The following AKAP6 variants were observed in gnomAD, a reference collection of about 807,000 sequenced individuals.
AKAP6 encodes the protein A-kinase anchor protein 6.
Under a neutral mutation model 188.5 loss-of-function variants are expected in AKAP6, and 58 were observed. That is an observed-to-expected ratio of 0.31 (90% CI 0.25 to 0.38). The LOEUF is 0.38. AKAP6 is among the 10% of genes least tolerant of loss of function. The pLI is 1.00. For synonymous variants in AKAP6, 989 were observed against 998.6 expected (o/e 0.99, Z 0.18); for missense variants, 2,710 against 2,740.0 (o/e 0.99, Z 0.24).
At chr14:32,741,471 G>T (rs113812804) in intron 11 of AKAP6, among the ~76,000 whole-genome samples, 21 of 151,908 alleles carry the variant, frequency 1.4e-4, no homozygotes, top group African/African-American at 4.6e-4. Flanking sequence ...GTTTTCTCCC[G>T]TTCAATGTGA....
intron 5 of AKAP6, among the ~76,000 whole-genome samples, chr14:32,582,965 A>T: frequency 6.6e-6 from 1 of 152,070 alleles, no homozygotes; most frequent in Non-Finnish European, 1.5e-5. Context: ...TAGTTTGATC[A>T]TCTGAAGCCT....
At chr14:32,429,618 G>A (rs1379641004) in intron 1 of AKAP6, among the ~76,000 whole-genome samples, 1 of 152,272 alleles carries the variant, frequency 6.6e-6, no homozygotes, top group South Asian at 2.1e-4. Flanking sequence ...CAGGCTTGCT[G>A]TGCTTAATGA....
chr14:32,712,602 T>G (rs568579573), intron 9 of AKAP6, among the ~76,000 whole-genome samples: 5 of 152,218 alleles, frequency 3.3e-5, no homozygotes, highest in African/African-American at 1.2e-4. Flanking sequence ...TTCAACAGTG[T>G]TCACAGCATT....
Position 32,837,481 on chromosome 14 carries a change from AT to A in AKAP6, c.*7677del, listed in dbSNP as rs961037806. The A allele has an allele frequency of 2.0e-5, 3 of 152,232 alleles. No homozygotes were observed. The highest frequency in any genetic ancestry group is 4.4e-5 in the Non-Finnish European group (3 of 68,044). The allele number at this position is 152,232 out of a possible 1,614,324, so 9.4% of individuals were successfully genotyped here. ...CCCAATATTCCCTAACCACTGGTTT[AT>A]AAAAAATACTCTAAGGTTTATAGAA... On this transcript the variant is annotated 3_prime_UTR_variant, in exon 14 of 14. Coordinates refer to ENST00000280979, the MANE Select transcript of AKAP6 (RefSeq NM_004274.5).
rs188678324 is a variant in AKAP6, at chr14:32,835,016, G to A, written c.*5211G>A. 2 of 152,312 alleles carry A rather than the reference G, an allele frequency of 1.3e-5. No individual in the cohort carries two copies. The highest frequency in any genetic ancestry group is 4.8e-5 in the African/African-American group (2 of 41,576). The allele number at this position is 152,312 out of a possible 1,614,324, so 9.4% of individuals were successfully genotyped here. ...ATGAAATTTAAATTTTGGTGTCCAT[G>A]TATAAAGTTTTATTAGAACACATCC... On this transcript the variant is annotated 3_prime_UTR_variant, in exon 14 of 14. Coordinates refer to ENST00000280979, the MANE Select transcript of AKAP6 (RefSeq NM_004274.5).
intron 1 of AKAP6, among the ~76,000 whole-genome samples, chr14:32,363,345 G>C (rs1325088828): frequency 6.6e-6 from 1 of 152,172 alleles, no homozygotes; most frequent in Non-Finnish European, 1.5e-5. Context: ...AAATAGGACA[G>C]ATGTATATAT....
intron 1 of AKAP6, among the ~76,000 whole-genome samples, chr14:32,418,902 A>C (rs1239286805): frequency 2.0e-5 from 3 of 152,186 alleles, no homozygotes; most frequent in Admixed American, 2.0e-4. Flanking sequence ...CGTACTGTCT[A>C]GTTTCCACTA....
intron 2 of AKAP6, among the ~76,000 whole-genome samples, chr14:32,476,694 C>T (rs961002600): frequency 6.6e-6 from 1 of 152,162 alleles, no homozygotes; most frequent in African/African-American, 2.4e-5. Context: ...TGTTACCAAA[C>T]TAAACTGGGA....
intron 2 of AKAP6, among the ~76,000 whole-genome samples, chr14:32,454,765 C>T (rs868088049): frequency 6.1e-5 from 1 of 16,512 alleles, no homozygotes; most frequent in Non-Finnish European, 1.0e-4. Context: ...CCCTCCCTCC[C>T]TCCTTCCCTC....
chr14:32,785,600 C>T (rs727815), intron 12 of AKAP6, among the ~76,000 whole-genome samples: 148,765 of 152,268 alleles, frequency 0.98, 72,761 homozygotes, highest in Middle Eastern at 1. Context: ...AGTTAATATA[C>T]GTGTGAAGCT....
Position 32,823,885 on chromosome 14 carries a change from A to G in AKAP6, c.6072A>G (p.Gln2024=), listed in dbSNP as rs1274597402. Residue 2024 remains glutamine, a synonymous_variant, in exon 13 of 14, where the codon CAA becomes CAG. Coordinates refer to ENST00000280979, the MANE Select transcript of AKAP6 (RefSeq NM_004274.5). ...CTGGTTGTTGCCTAGCACTTGAACA[A>G]AACGGAACAGAGGAAAATGCTTCTA... The part of the protein sequence containing the change: ...KSAGCCLALE[Q]NGTEENASIS... 1.1e-5 allele frequency: 17 copies of G among 1,613,918 alleles called. No individual in the cohort carries two copies. Among genetic ancestry groups the G allele is most frequent in the Non-Finnish European group, 1.4e-5 (17 of 1,179,942 alleles).
At chr14:32,658,773 T>C (rs1888560449) in intron 7 of AKAP6, among the ~76,000 whole-genome samples, 1 of 142,514 alleles carries the variant, frequency 7.0e-6, no homozygotes, top group Admixed American at 7.4e-5. Flanking sequence ...ATTTTTAAAG[T>C]CTTCTTTAAA....
Position 32,536,384 on chromosome 14 carries a change from C to A in AKAP6, c.576+579C>A, listed in dbSNP as rs75759322. ...CAGAGGACATGGCATTATCAAATACCCAGAGATAAGAAAGAGAATGGCAGG... is the reference window on the plus strand; with the variant it reads ...CAGAGGACATGGCATTATCAAATACACAGAGATAAGAAAGAGAATGGCAGG... On this transcript the variant is annotated intron_variant, in intron 3 of 13. Transcript: ENST00000280979. Among the ~76,000 whole-genome samples the A allele has an allele frequency of 5.6e-3, 846 of 152,128 alleles. 40 individuals carry two copies. In the East Asian group the frequency reaches 0.12, roughly 21 times the overall value.
chr14:32,481,820 C>T (rs1261145660), intron 2 of AKAP6, among the ~76,000 whole-genome samples: 1 of 152,186 alleles, frequency 6.6e-6, no homozygotes, highest in African/African-American at 2.4e-5. Flanking sequence ...TATTCCTTTC[C>T]AGCTACCACC....
chr14:32,378,886 A>G (rs988583620), intron 1 of AKAP6, among the ~76,000 whole-genome samples: 1 of 151,240 alleles, frequency 6.6e-6, no homozygotes, highest in African/African-American at 2.4e-5. Flanking sequence ...AGGACAATTG[A>G]AGAGTGTAGG....
chr14:32,384,611 A>G (rs1888469424), intron 1 of AKAP6, among the ~76,000 whole-genome samples: 1 of 152,170 alleles, frequency 6.6e-6, no homozygotes, highest in African/African-American at 2.4e-5. Context: ...TCAGTTTCCT[A>G]GCCTCAGGCT....
At chr14:32,667,833 C>T (rs1164907518) in intron 7 of AKAP6, among the ~76,000 whole-genome samples, 4 of 152,078 alleles carry the variant, frequency 2.6e-5, no homozygotes, top group Admixed American at 6.6e-5. Flanking sequence ...ATTCTTTTCT[C>T]TCTATCACCA....
chr14:32,597,754 G>C (rs1450131640), intron 5 of AKAP6, among the ~76,000 whole-genome samples: 1 of 152,094 alleles, frequency 6.6e-6, no homozygotes, highest in African/African-American at 2.4e-5. Flanking sequence ...CAGATGAAAT[G>C]ATTCATCATT....
Position 32,695,986 on chromosome 14 carries a change from T to TCA in AKAP6, c.2880-3_2880-2dup, listed in dbSNP as rs752008723. Reference sequence around the variant, plus strand: ...GCATACTACATTTTGCGCCTTATCTTCAGGCTTCTGGACTTTGATTCAGAA... The same window carrying TCA: ...GCATACTACATTTTGCGCCTTATCTTCACAGGCTTCTGGACTTTGATTCAGAA... On this transcript the variant is annotated splice_region_variant and splice_polypyrimidine_tract_variant and intron_variant, in intron 8 of 13. Transcript: ENST00000280979. The TCA allele has an allele frequency of 5.6e-6, 9 of 1,612,208 alleles. No individual in the cohort carries two copies. The South Asian group carries it at 9.9e-5, about 18-fold the overall frequency.
Sources: allele counts gnomAD v4.1 joint callset (sites outside exome capture counted in the v4.1 genomes callset), GRCh38; gene constraint gnomAD v4.1.1; transcripts MANE v1.5; gene names NCBI Gene and HGNC (gene_info 2026-07-23, HGNC 2026-07-21).